Variants in FXR1 observed in about 807,000 individuals in gnomAD.
FXR1 encodes the protein FMR1 autosomal homolog 1.
Under a neutral mutation model 84.0 loss-of-function variants are expected in FXR1, and 15 were observed. The ratio of observed to expected loss-of-function variants is 0.18; its 90% CI spans 0.12 to 0.27. The LOEUF (loss-of-function observed/expected upper bound fraction) is 0.27. Ranked by LOEUF, FXR1 falls within the 10% of genes least tolerant of loss-of-function variation. The pLI, the probability that FXR1 is intolerant of heterozygous loss-of-function variation, is 1.00. For synonymous variants in FXR1, 245 were observed against 250.7 expected (o/e 0.98, Z 0.21); for missense variants, 480 against 774.4 (o/e 0.62, Z 4.51).
chr3:180,950,287 T>C (rs1437244594), intron 7 of FXR1, among the ~76,000 whole-genome samples: 1 of 152,234 alleles, frequency 6.6e-6, no homozygotes, highest in Non-Finnish European at 1.5e-5. Context: ...ATTTAAAAAT[T>C]CTGAACAAGG....
intron 1 of FXR1, chr3:180,927,842 G>A (rs1719415280): frequency 2.5e-6 from 1 of 407,994 alleles, no homozygotes; most frequent in Non-Finnish European, 4.3e-6. Context: ...CATATCCATC[G>A]ATACCTTTTC....
intron 1 of FXR1, among the ~76,000 whole-genome samples, chr3:180,921,317 G>A (rs996878876): frequency 6.6e-6 from 1 of 151,076 alleles, no homozygotes; most frequent in Admixed American, 6.6e-5. Flanking sequence ...TGTGGAGGTT[G>A]CAGTGAGCCA....
rs570951204 is a variant in FXR1, at chr3:180,976,388, A to G, written c.*96A>G. On this transcript the variant is annotated 3_prime_UTR_variant, in exon 17 of 17. Coordinates refer to ENST00000357559, the MANE Select transcript of FXR1 (RefSeq NM_005087.4). ...GATAGAATATGGATCGCCAGTCTTTACATCGCACTTTCAGTTCCTCCATTT... is the reference window on the plus strand; with the variant it reads ...GATAGAATATGGATCGCCAGTCTTTGCATCGCACTTTCAGTTCCTCCATTT... 1.3e-6 allele frequency: 1 copy of G among 780,588 alleles called. No individual in the cohort carries two copies. The highest frequency in any genetic ancestry group is 1.8e-5 in the African/African-American group (1 of 56,824). 48.4% of individuals were successfully genotyped at this position (780,588 alleles called of 1,614,324 possible). A position where few individuals can be genotyped will look rare whatever the true frequency, so the allele number is the denominator to read the frequency against.
chr3:180,965,881 T>C (rs1712761999), intron 13 of FXR1, among the ~76,000 whole-genome samples: 1 of 152,156 alleles, frequency 6.6e-6, no homozygotes. Flanking sequence ...TTGAATACTA[T>C]ATGTAGGTTA....
chr3:180,942,511 T>G (rs1010569727), intron 3 of FXR1, among the ~76,000 whole-genome samples: 1 of 152,106 alleles, frequency 6.6e-6, no homozygotes, highest in Non-Finnish European at 1.5e-5. Flanking sequence ...GTTTAGAGAT[T>G]TTTTTTGAAA....
rs1315803728 is a variant in FXR1 at position 180,977,026 on chromosome 3, T to C, written c.*734T>C. ...AAAAGATCAATTTCCAGAAGGTTTA[T>C]TCTGTATAAACTACATGTTAGTCTT... On this transcript the variant is annotated 3_prime_UTR_variant, in exon 17 of 17. Transcript: ENST00000357559. The C allele has an allele frequency of 2.0e-5, 3 of 152,680 alleles. No individual in the cohort carries two copies. The highest frequency in any genetic ancestry group is 2.1e-4 in the South Asian group (1 of 4,832). 9.5% of individuals were successfully genotyped at this position (152,680 alleles called of 1,614,324 possible).
intron 10 of FXR1, among the ~76,000 whole-genome samples, chr3:180,958,613 T>A (rs1711648245): frequency 6.6e-6 from 1 of 152,020 alleles, no homozygotes; most frequent in Non-Finnish European, 1.5e-5. Flanking sequence ...TATACCACAT[T>A]TTTTTTGTAT....
intron 3 of FXR1, among the ~76,000 whole-genome samples, chr3:180,940,938 G>A (rs1721056955): frequency 6.6e-6 from 1 of 152,220 alleles, no homozygotes; most frequent in East Asian, 1.9e-4. Context: ...TTAAAAACCT[G>A]TTTTTGAACT....
Position 180,970,250 on chromosome 3 carries a change from A to C in FXR1, c.1495A>C (p.Ser499Arg). 1 of 1,600,814 alleles carries C rather than the reference A, an allele frequency of 6.2e-7. No homozygotes were observed. Among genetic ancestry groups the C allele is most frequent in the Non-Finnish European group, 8.6e-7 (1 of 1,168,080 alleles). The change falls in exon 15 of 17, where the codon AGT becomes CGT. Residue 499 changes from serine (S) to arginine (R), a missense_variant. Physicochemically the swap from Ser to Arg is moderately radical, Grantham distance 110 (BLOSUM62 -1). Coordinates refer to ENST00000357559, the MANE Select transcript of FXR1 (RefSeq NM_005087.4). ...CACTGATGCCAGCGAATCTCATCAC[A>C]GTACTAACCGTCGTAGGCGGTCTCG... ...ADTDASESHHSTNRRRRSRRR... is the reference protein window; with the variant it reads ...ADTDASESHHRTNRRRRSRRR...
intron 10 of FXR1, among the ~76,000 whole-genome samples, chr3:180,960,883 A>G (rs1712012888): frequency 6.6e-6 from 1 of 152,214 alleles, no homozygotes; most frequent in Admixed American, 6.5e-5. Context: ...TTTAGCACAC[A>G]GAAGACAATT....
chr3:180,958,927 C>T (rs1329855648), intron 10 of FXR1, among the ~76,000 whole-genome samples: 5 of 151,662 alleles, frequency 3.3e-5, no homozygotes, highest in Non-Finnish European at 7.4e-5. Context: ...CCTGCCTCAG[C>T]TTCCTGAGTA....
At chr3:180,914,781 A>G (rs750286607) in intron 1 of FXR1, 14 of 979,148 alleles carry the variant, frequency 1.4e-5, no homozygotes, top group African/African-American at 1.8e-5. Context: ...TTGCCTCACA[A>G]AGTGAGTTGG....
In FXR1 at chr3:180,926,499, TATATATA is replaced by T. The variant is rs1560164818; in HGVS notation, c.52-6834_52-6828del. 6.9e-5 allele frequency among the ~76,000 whole-genome samples: 7 copies of T among 101,420 alleles called. 1 individual carries two copies. The South Asian group carries it at 8.3e-4, about 12-fold the overall frequency. 66.5% of individuals were successfully genotyped at this position (101,420 alleles called of 152,430 possible). On this transcript the variant is annotated intron_variant, in intron 1 of 16. Transcript: ENST00000357559. The stretch of plus-strand genomic sequence containing the variant: ...TACTGTATATATATATATATATATA[TATATATA>T]TTTTTTTTTCTGGCCTTTTGTTGGC...
At chr3:180,967,592 C>T (rs1230935569) in intron 13 of FXR1, among the ~76,000 whole-genome samples, 1 of 149,962 alleles carries the variant, frequency 6.7e-6, no homozygotes, top group Non-Finnish European at 1.5e-5. Flanking sequence ...GGTGCCAAAA[C>T]CTAGGAATTA....
intron 12 of FXR1, 22 bp downstream of exon 12, chr3:180,962,962 C>G (rs1357309972): frequency 6.2e-7 from 1 of 1,610,094 alleles, no homozygotes; most frequent in Non-Finnish European, 8.5e-7. Context: ...AGACCTTCTT[C>G]CACCAGAGGG....
Position 180,968,127 on chromosome 3 carries a change from A to T in FXR1, c.1275A>T (p.Ala425=). The change falls in exon 14 of 17, where the codon GCA becomes GCT. Residue 425 remains alanine (A), a synonymous_variant. Transcript: ENST00000357559. ...ACGAGCTGAGTGATTGGTCATTGGC[A>T]GGAGAAGATGATCGAGACAGCCGAC... ...RKDELSDWSL[A]GEDDRDSRHQ... 6.2e-7 allele frequency: 1 copy of T among 1,613,472 alleles called. No individual in the cohort carries two copies. The highest frequency in any genetic ancestry group is 8.5e-7 in the Non-Finnish European group (1 of 1,179,382).
At chr3:180,921,976 G>A (rs1718648905) in intron 1 of FXR1, among the ~76,000 whole-genome samples, 1 of 152,146 alleles carries the variant, frequency 6.6e-6, no homozygotes. Context: ...TCAGTTACAA[G>A]TATAGGGTTT....
intron 1 of FXR1, among the ~76,000 whole-genome samples, chr3:180,927,466 A>G (rs900861025): frequency 2.0e-5 from 3 of 152,098 alleles, no homozygotes; most frequent in African/African-American, 7.2e-5. Context: ...TATTTGTAAT[A>G]TTAATCTTTT....
chr3:180,973,087 T>C (rs899133384), intron 15 of FXR1, among the ~76,000 whole-genome samples: 2 of 152,190 alleles, frequency 1.3e-5, no homozygotes, highest in African/African-American at 4.8e-5. Flanking sequence ...AATTCTAGAG[T>C]CCATGTCATT....
Sources: allele counts gnomAD v4.1 joint callset (sites outside exome capture counted in the v4.1 genomes callset), GRCh38; gene constraint gnomAD v4.1.1; transcripts MANE v1.5; gene names NCBI Gene and HGNC (gene_info 2026-07-23, HGNC 2026-07-21).